The following CFAP92 variants were observed in gnomAD, a reference collection of about 807,000 sequenced individuals.
CFAP92 encodes the protein cilia and flagella associated protein 92 (putative).
A neutral mutation model predicts 106.3 loss-of-function variants in CFAP92; 86 were observed. The observed-to-expected ratio is 0.81, with a 90% CI of 0.68 to 0.97. The LOEUF is 0.97. Ranked by LOEUF, CFAP92 falls within the 50% of genes least tolerant of loss-of-function variation. The pLI is 0.00. For synonymous variants in CFAP92, 477 were observed against 506.4 expected (o/e 0.94, Z 0.78); for missense variants, 1,204 against 1,283.8 (o/e 0.94, Z 0.95).
At position 128,945,543 on chromosome 3, in the gene CFAP92, A is replaced by T. The variant is rs1220902308; in HGVS notation, c.1786T>A (p.Cys596Ser). The change falls in exon 10 of 16, where the codon TGC (cysteine) becomes AGC (serine). Residue 596 changes from cysteine (C) to serine (S), a missense_variant. Coordinates refer to ENST00000645291, the MANE Select transcript of CFAP92 (RefSeq NM_001394090.1). The stretch of plus-strand genomic sequence containing the variant: ...TTCCTTCTCCTGCTGTCCTGGCCGC[A>T]GTGTGTGGGCTGAACCTCACAGCTG... Reference protein sequence around the residue: ...IHSCEVQPTHCGQDSRRRKVV... With the variant: ...IHSCEVQPTHSGQDSRRRKVV... 9 of 1,536,142 alleles carry T rather than the reference A, an allele frequency of 5.9e-6. No individual in the cohort carries two copies. Among genetic ancestry groups the T allele is most frequent in the Non-Finnish European group, 7.8e-6 (9 of 1,146,918 alleles).
At chr3:128,928,646 C>CA (rs912703547) in intron 12 of CFAP92, among the ~76,000 whole-genome samples, 36 of 151,508 alleles carry the variant, frequency 2.4e-4, no homozygotes, top group African/African-American at 7.7e-4. Flanking sequence ...CATTGGACCT[C>CA]AAAAAAAATG....
At chr3:128,958,546 A>G (rs1475560720) in intron 9 of CFAP92, among the ~76,000 whole-genome samples, 1 of 152,336 alleles carries the variant, frequency 6.6e-6, no homozygotes, top group Middle Eastern at 3.4e-3. Context: ...CCGTGAATCT[A>G]TATTTTAAAG....
chr3:128,942,119 G>A (rs922761247), intron 10 of CFAP92, among the ~76,000 whole-genome samples: 3 of 152,222 alleles, frequency 2.0e-5, no homozygotes, highest in African/African-American at 4.8e-5. Context: ...AGGTTTCTGA[G>A]ACCGCCCTCT....
upstream of CFAP92, chr3:129,003,861 G>A (rs1248795951): frequency 1.2e-5 from 17 of 1,442,472 alleles, no homozygotes; most frequent in Non-Finnish European, 1.5e-5. Context: ...GCTGCGGTGC[G>A]GGAGCTGCGT....
At chr3:128,947,806 C>T (rs1401433792) in intron 9 of CFAP92, among the ~76,000 whole-genome samples, 1 of 151,856 alleles carries the variant, frequency 6.6e-6, no homozygotes, top group African/African-American at 2.4e-5. Context: ...CACTGCACAC[C>T]AACCTGGACA....
chr3:129,007,778 G>T, the CFAP92 span, among the ~76,000 whole-genome samples: 1 of 152,182 alleles, frequency 6.6e-6, no homozygotes, highest in Non-Finnish European at 1.5e-5. Context: ...TGACTCTATT[G>T]TTCATGTTAG....
chr3:128,942,467 C>G (rs562470471), intron 10 of CFAP92, among the ~76,000 whole-genome samples: 17 of 152,210 alleles, frequency 1.1e-4, no homozygotes, highest in Non-Finnish European at 2.2e-4. Flanking sequence ...TCTCCTGATT[C>G]TGCATGACCC....
chr3:129,019,437 C>G, the CFAP92 span, among the ~76,000 whole-genome samples: 13 of 152,322 alleles, frequency 8.5e-5, no homozygotes, highest in South Asian at 2.5e-3. Context: ...GTTTGCTCAT[C>G]AGTCCAATAA....
intron 12 of CFAP92, among the ~76,000 whole-genome samples, chr3:128,918,066 C>A (rs913524362): frequency 6.6e-6 from 1 of 152,210 alleles, no homozygotes; most frequent in Non-Finnish European, 1.5e-5. Context: ...GTGATCAGAT[C>A]CACAACAGCA....
At chr3:128,965,800 A>G in intron 8 of CFAP92, 105 bp from the exon 9 acceptor site, 1 of 396,624 alleles carries the variant, frequency 2.5e-6, no homozygotes, top group South Asian at 1.4e-4. Flanking sequence ...ATCACAACCC[A>G]AAAGTGAAAA....
Position 128,945,476 on chromosome 3 carries a change from C to T in CFAP92, c.1853G>A (p.Gly618Asp). 6.5e-7 allele frequency: 1 copy of T among 1,536,110 alleles called. No individual in the cohort carries two copies. Residue 618 changes from glycine to aspartate, a missense_variant, in exon 10 of 16, where the codon GGC becomes GAC. By Grantham distance (94) the Gly-to-Asp change is moderately conservative. Coordinates refer to ENST00000645291, the MANE Select transcript of CFAP92 (RefSeq NM_001394090.1). The part of the protein sequence containing the change: ...LGVPRDGHQH[G>D]PMPRGNYLEA... ...TAGGTAGTTGCCCCTGGGCATTGGG[C>T]CGTGCTGGTGGCCATCTCTGGGGAC...
chr3:128,913,139 T>C, intron 15 of CFAP92: 1 of 433,822 alleles, frequency 2.3e-6, no homozygotes, highest in South Asian at 1.6e-5. Context: ...TGTCACACTG[T>C]TCCTTAGAAC....
chr3:128,999,087 T>C (rs1212271697), upstream of CFAP92, among the ~76,000 whole-genome samples: 1 of 152,226 alleles, frequency 6.6e-6, no homozygotes, highest in African/African-American at 2.4e-5. Context: ...CTATTTGAAA[T>C]GGCTCAAACA....
chr3:128,967,069 GGATA>G (rs1274116312), intron 8 of CFAP92: 1 of 152,140 alleles, frequency 6.6e-6, no homozygotes, highest in Non-Finnish European at 1.5e-5. Context: ...TTCAAAATGG[GGATA>G]GACACCACCT....
At chr3:128,926,686 C>G (rs1171212918) in intron 12 of CFAP92, among the ~76,000 whole-genome samples, 1 of 152,162 alleles carries the variant, frequency 6.6e-6, no homozygotes, top group African/African-American at 2.4e-5. Context: ...CCCTCAAATT[C>G]CTCTACTGAA....
At chr3:128,949,589 G>A (rs1177024778) in intron 9 of CFAP92, among the ~76,000 whole-genome samples, 1 of 152,248 alleles carries the variant, frequency 6.6e-6, no homozygotes, top group Non-Finnish European at 1.5e-5. Context: ...TTATGTGTGT[G>A]AAGCAAAAGT....
rs567820787 is a variant in CFAP92, at chr3:128,964,239, A to C, written c.1353+1272T>G. On this transcript the variant is annotated intron_variant, in intron 9 of 15. Coordinates refer to ENST00000645291, the MANE Select transcript of CFAP92 (RefSeq NM_001394090.1). ...TTTAAAAACACAGCTCACCAAGCTCAGCCACCAACTTAAAAAGGACTGGAC... is the reference window on the plus strand; with the variant it reads ...TTTAAAAACACAGCTCACCAAGCTCCGCCACCAACTTAAAAAGGACTGGAC... Among the ~76,000 whole-genome samples the C allele has an allele frequency of 1.4e-3, 217 of 152,366 alleles. 2 individuals are homozygous for C. The highest frequency in any genetic ancestry group is 0.014 in the Middle Eastern group (4 of 294).
chr3:128,952,131 TTCTTC>T (rs1259670311), intron 9 of CFAP92, among the ~76,000 whole-genome samples: 69 of 142,754 alleles, frequency 4.8e-4, no homozygotes, highest in Admixed American at 1.0e-3. Context: ...TTTCTTCTTC[TTCTTC>T]TTTTTTTTTT....
intron 4 of CFAP92, among the ~76,000 whole-genome samples, chr3:128,985,953 G>A (rs1943829209): frequency 6.6e-6 from 1 of 152,134 alleles, no homozygotes; most frequent in African/African-American, 2.4e-5. Context: ...CAGAAATGCT[G>A]CAAAACACCC....
Sources: allele counts gnomAD v4.1 joint callset (sites outside exome capture counted in the v4.1 genomes callset), GRCh38; gene constraint gnomAD v4.1.1; transcripts MANE v1.5; gene names NCBI Gene and HGNC (gene_info 2026-07-23, HGNC 2026-07-21).